Variants in RPS6KA2 observed in about 807,000 individuals in gnomAD.
RPS6KA2 encodes ribosomal protein S6 kinase alpha-2.
RPS6KA2 carries 42 observed loss-of-function variants against 91.8 expected under a neutral mutation model. That is an observed-to-expected ratio of 0.46 (90% CI 0.36 to 0.59). RPS6KA2 has a LOEUF of 0.59. Among genes scored for constraint, RPS6KA2 ranks in the 20% least tolerant of loss-of-function variants. The pLI is 0.00. For missense variants in RPS6KA2, 798 were observed against 978.5 expected (o/e 0.82, Z 2.46); for synonymous variants, 414 against 393.6 (o/e 1.05, Z -0.61).
chr6:166,567,796 C>T (rs1291808186), intron 1 of RPS6KA2, among the ~76,000 whole-genome samples: 1 of 152,170 alleles, frequency 6.6e-6, no homozygotes. Context: ...AGCTGAATTA[C>T]CTAGACCAGC....
chr6:166,720,653 A>G (rs910342040), intron 2 of RPS6KA2, among the ~76,000 whole-genome samples: 11 of 152,256 alleles, frequency 7.2e-5, no homozygotes, highest in Non-Finnish European at 1.5e-4. Flanking sequence ...TTCTAACTCT[A>G]AATAAAGGGA....
Position 166,451,194 on chromosome 6 carries a change from A to G in RPS6KA2, c.1115T>C (p.Leu372Pro), listed in dbSNP as rs1779901646. Residue 372 changes from leucine (L) to proline (P), a missense_variant, in exon 13 of 21, where the codon CTG becomes CCG. Transcript: ENST00000265678. ...GVPPSANAHH[L>P]FRGFSFVASS... is the part of the protein sequence containing the mutation. The stretch of plus-strand genomic sequence containing the variant: ...GGCCACAAAGCTGAATCCTCTAAAC[A>G]GGTGATGAGCGTTTGCACTCGGGGG... 1 of 1,614,002 alleles carries G rather than the reference A, an allele frequency of 6.2e-7. No individual in the cohort carries two copies. The highest frequency in any genetic ancestry group is 8.5e-7 in the Non-Finnish European group (1 of 1,179,960).
At chr6:166,842,841 G>A (rs150669226) in intron 2 of RPS6KA2, among the ~76,000 whole-genome samples, 4 of 152,330 alleles carry the variant, frequency 2.6e-5, no homozygotes, top group Non-Finnish European at 4.4e-5. Context: ...GACCCACATC[G>A]TGAACTTTTG....
intron 2 of RPS6KA2, among the ~76,000 whole-genome samples, chr6:166,537,055 G>A (rs904073730): frequency 6.6e-6 from 1 of 152,234 alleles, no homozygotes; most frequent in African/African-American, 2.4e-5. Flanking sequence ...CTGTGAGGAG[G>A]ACATTGGTAA....
At chr6:166,668,505 A>T (rs1375630771) in intron 2 of RPS6KA2, among the ~76,000 whole-genome samples, 2 of 152,222 alleles carry the variant, frequency 1.3e-5, no homozygotes, top group South Asian at 2.1e-4. Context: ...AGTGTTTCAT[A>T]CAAAGAATTG....
chr6:166,813,161 T>C (rs941482995), intron 2 of RPS6KA2, among the ~76,000 whole-genome samples: 1 of 151,948 alleles, frequency 6.6e-6, no homozygotes, highest in African/African-American at 2.4e-5. Context: ...AGTACCTCCA[T>C]ATCACACATG....
intron 2 of RPS6KA2, among the ~76,000 whole-genome samples, chr6:166,680,913 T>G (rs1282355782): frequency 3.3e-5 from 5 of 152,242 alleles, no homozygotes; most frequent in African/African-American, 1.2e-4. Flanking sequence ...CGGAAAAGTT[T>G]CAGCCTTGCT....
At chr6:166,470,659 C>T in intron 10 of RPS6KA2, among the ~76,000 whole-genome samples, 1 of 152,234 alleles carries the variant, frequency 6.6e-6, no homozygotes, top group East Asian at 1.9e-4. Context: ...TCGCCACTGT[C>T]CCCCCAGAAC....
chr6:166,524,487 C>T (rs1782959327), intron 3 of RPS6KA2, among the ~76,000 whole-genome samples: 1 of 152,138 alleles, frequency 6.6e-6, no homozygotes, highest in Non-Finnish European at 1.5e-5. Context: ...GATCACAGGC[C>T]TTTCATATTG....
intron 1 of RPS6KA2, among the ~76,000 whole-genome samples, chr6:166,590,847 CG>C (rs1785333005): frequency 6.6e-6 from 1 of 151,926 alleles, no homozygotes; most frequent in African/African-American, 2.4e-5. Context: ...AATAAGGGAA[CG>C]GAAGAGATCA....
At chr6:166,578,236 G>C (rs944243826) in intron 1 of RPS6KA2, among the ~76,000 whole-genome samples, 16 of 152,196 alleles carry the variant, frequency 1.1e-4, no homozygotes, top group African/African-American at 3.6e-4. Context: ...CCTTCCCTCA[G>C]AAGCCACGTG....
At chr6:166,855,504 A>G (rs150927022) in intron 2 of RPS6KA2, among the ~76,000 whole-genome samples, 1 of 137,844 alleles carries the variant, frequency 7.3e-6, no homozygotes, top group Non-Finnish European at 1.6e-5. Context: ...AAGAAGAGGA[A>G]GAAGAAGAAG....
intron 14 of RPS6KA2, among the ~76,000 whole-genome samples, chr6:166,436,588 C>T (rs1583131806): frequency 1.3e-5 from 2 of 152,238 alleles, no homozygotes; most frequent in South Asian, 4.1e-4. Context: ...TCTCTTCCCA[C>T]TCTTGTCCTG....
intron 13 of RPS6KA2, among the ~76,000 whole-genome samples, chr6:166,449,816 G>GAC (rs1562500711): frequency 1.5e-4 from 20 of 136,026 alleles, no homozygotes; most frequent in Admixed American, 4.4e-4. Context: ...ACCACCATGG[G>GAC]AACCACCACA....
At chr6:166,673,054 C>T (rs1788517936) in intron 2 of RPS6KA2, among the ~76,000 whole-genome samples, 1 of 152,142 alleles carries the variant, frequency 6.6e-6, no homozygotes, top group Admixed American at 6.5e-5. Flanking sequence ...CTGCCCTTCC[C>T]TCCCCACTTC....
At position 166,540,932 on chromosome 6, in the gene RPS6KA2, G is replaced by A. The variant is rs577434129; in HGVS notation, c.100-2148C>T. ...GGAAACATGTATGCTATCTTTTCCCGTCATTGACCTACGAAAGGAAGAAAG... is the reference window on the plus strand; with the variant it reads ...GGAAACATGTATGCTATCTTTTCCCATCATTGACCTACGAAAGGAAGAAAG... On this transcript the variant is annotated intron_variant, in intron 1 of 20. Coordinates refer to ENST00000265678, the MANE Select transcript of RPS6KA2 (RefSeq NM_021135.6). Among the ~76,000 whole-genome samples, 10 of 152,286 alleles carry A rather than the reference G, an allele frequency of 6.6e-5. No individual in the cohort carries two copies. In the East Asian group the frequency reaches 7.7e-4, roughly 12 times the overall value.
Position 166,412,229 on chromosome 6 carries a change from C to G in RPS6KA2, c.*533G>C, listed in dbSNP as rs140010628. ...CTCTTTGGATTATTTTGGGCAGAAC[C>G]AGGCATCTCCTCCTGGACGCCACAG... On this transcript the variant is annotated 3_prime_UTR_variant, in exon 21 of 21. Transcript: ENST00000265678. The surrounding 1 kb of genome is among the most constrained non-coding windows in gnomAD (Gnocchi z 4.3). 2.9e-4 allele frequency: 44 copies of G among 153,060 alleles called. 1 individual carries two copies. The East Asian group carries it at 8.3e-3, about 29-fold the overall frequency. The allele number at this position is 153,060 out of a possible 1,614,324, so 9.5% of individuals were successfully genotyped here.
chr6:166,520,734 GAAAGA>G (rs1490658409), intron 3 of RPS6KA2, among the ~76,000 whole-genome samples: 1 of 152,220 alleles, frequency 6.6e-6, no homozygotes, highest in African/African-American at 2.4e-5. Flanking sequence ...TGAGGACTCA[GAAAGA>G]AAAGGAGAGC....
rs1780208014 is a variant in RPS6KA2, at chr6:166,459,588, A to G, written c.973-37T>C. The G allele has an allele frequency of 2.7e-6, 4 of 1,458,694 alleles. No homozygotes were observed. In the South Asian group the frequency reaches 4.6e-5, roughly 17 times the overall value. The allele number at this position is 1,458,694 out of a possible 1,614,324, so 90.4% of individuals were successfully genotyped here. On this transcript the variant is annotated intron_variant, in intron 11 of 20. Coordinates refer to ENST00000265678, the MANE Select transcript of RPS6KA2 (RefSeq NM_021135.6). This position sits in a 1 kb window ranked among gnomAD's most constrained non-coding sequence, Gnocchi z 4.9. Reference sequence around the variant, plus strand: ...AGGAAAGCAAGACAGGGCACTGAGGATGCACAGACATTGCCACAGAACACT... The same window carrying G: ...AGGAAAGCAAGACAGGGCACTGAGGGTGCACAGACATTGCCACAGAACACT...
Sources: gnomAD v4.1 joint callset for allele counts (sites outside exome capture counted in the v4.1 genomes callset) on GRCh38, gnomAD v4.1.1 for gene constraint, Gnocchi (gnomAD v3.1) non-coding constraint, MANE v1.5 for transcripts, NCBI Gene and HGNC (gene_info 2026-07-23, HGNC 2026-07-21) for gene names.